Variants in NIBAN2 observed in about 807,000 individuals in gnomAD.
NIBAN2 encodes protein Niban 2.
NIBAN2 carries 36 observed loss-of-function variants against 81.8 expected under a neutral mutation model. That is an observed-to-expected ratio of 0.44 (90% CI 0.34 to 0.58). NIBAN2 has a LOEUF of 0.58. Among genes scored for constraint, NIBAN2 ranks in the 20% least tolerant of loss-of-function variants. The probability of loss-of-function intolerance (pLI) is 0.02; values close to 1 mark genes in which losing one functional copy is unlikely to be tolerated. For synonymous variants in NIBAN2, 445 were observed against 441.6 expected (o/e 1.01, Z -0.10); for missense variants, 897 against 1,014.1 (o/e 0.88, Z 1.57).
chr9:127,569,294 C>T (rs1320712816), upstream of NIBAN2, among the ~76,000 whole-genome samples: 1 of 150,006 alleles, frequency 6.7e-6, no homozygotes, highest in Non-Finnish European at 1.5e-5. Context: ...CTGCCTCCGG[C>T]GGGCGGGGCA....
At chr9:127,515,097 G>A (rs1836800428) in intron 8 of NIBAN2, among the ~76,000 whole-genome samples, 1 of 152,062 alleles carries the variant, frequency 6.6e-6, no homozygotes, top group Non-Finnish European at 1.5e-5. Context: ...GTGGTGGCCT[G>A]CACCTGTAGT....
intron 2 of NIBAN2, 92 bp from the exon 3 acceptor site, chr9:127,527,414 C>A: frequency 8.0e-7 from 1 of 1,253,498 alleles, no homozygotes; most frequent in South Asian, 1.2e-5. Context: ...AGCCTGTGTG[C>A]GCACCCCCTG....
chr9:127,531,508 T>A (rs936568448), intron 2 of NIBAN2, 140 bp downstream of exon 2: 29 of 677,442 alleles, frequency 4.3e-5, no homozygotes, highest in Non-Finnish European at 5.2e-5. Flanking sequence ...TAATTAATTT[T>A]AAAAAAAGAA....
chr9:127,509,036 C>A lies in NIBAN2; in HGVS notation c.1257G>T (p.Gln419His). The change falls in exon 10 of 14, where the codon CAG (glutamine) becomes CAT (histidine). Residue 419 changes from glutamine to histidine, a missense_variant. Transcript: ENST00000373312. ...CGGACGTGCTGGACACATCAAATCG[C>A]TGCTGCAGCCCGTCCAGTCGCAGCG... Reference protein sequence around the residue: ...MESLRLDGLQQRFDVSSTSVF... With the variant: ...MESLRLDGLQHRFDVSSTSVF... 1 of 1,614,004 alleles carries A rather than the reference C, an allele frequency of 6.2e-7. No homozygotes were observed. The highest frequency in any genetic ancestry group is 1.1e-5 in the South Asian group (1 of 91,076).
At chr9:127,548,456 C>T (rs530979002) in intron 1 of NIBAN2, among the ~76,000 whole-genome samples, 4 of 152,174 alleles carry the variant, frequency 2.6e-5, no homozygotes, top group African/African-American at 4.8e-5. Context: ...CGCCAACTCA[C>T]GTGTGGCCCT....
intron 8 of NIBAN2, among the ~76,000 whole-genome samples, chr9:127,511,678 A>T (rs1836738732): frequency 6.6e-6 from 1 of 152,210 alleles, no homozygotes; most frequent in Non-Finnish European, 1.5e-5. Context: ...CTGACAAGAG[A>T]TTAATAATCA....
chr9:127,562,202 T>G (rs1837786329), intron 1 of NIBAN2, among the ~76,000 whole-genome samples: 1 of 151,932 alleles, frequency 6.6e-6, no homozygotes, highest in African/African-American at 2.4e-5. Flanking sequence ...TCCCACTTCC[T>G]CTCCCCGCCT....
intron 1 of NIBAN2, among the ~76,000 whole-genome samples, chr9:127,539,500 C>G (rs1305209011): frequency 1.3e-5 from 2 of 152,326 alleles, no homozygotes; most frequent in South Asian, 2.1e-4. Context: ...GGGTTTCCAG[C>G]TCCACTGGCC....
chr9:127,526,998 A>T (rs1340348952), intron 3 of NIBAN2, among the ~76,000 whole-genome samples, 196 bp downstream of exon 3: 1 of 152,060 alleles, frequency 6.6e-6, no homozygotes, highest in Non-Finnish European at 1.5e-5. Context: ...AGAGATGAAG[A>T]ATGAGCTGCC....
At chr9:127,543,421 TG>T (rs1255498219) in intron 1 of NIBAN2, among the ~76,000 whole-genome samples, 1 of 152,148 alleles carries the variant, frequency 6.6e-6, no homozygotes, top group African/African-American at 2.4e-5. Flanking sequence ...AAATCCAAGC[TG>T]GGGTGTGAGC....
chr9:127,507,718 C>T lies in NIBAN2; in HGVS notation c.1654+149G>A. Reference sequence around the variant, plus strand: ...GCAAGGCTAAGGCTGCTCCGGAGGCCACACAGCGAAGAGTGGGCTTCACCC... The same window carrying T: ...GCAAGGCTAAGGCTGCTCCGGAGGCTACACAGCGAAGAGTGGGCTTCACCC... On this transcript the variant is annotated intron_variant, in intron 13 of 13. Transcript: ENST00000373312. The surrounding 1 kb of genome is among the most constrained non-coding windows in gnomAD (Gnocchi z 6.8). 1.3e-6 allele frequency: 1 copy of T among 754,994 alleles called. No individual in the cohort carries two copies. The highest frequency in any genetic ancestry group is 2.3e-6 in the Non-Finnish European group (1 of 443,996). The allele number at this position is 754,994 out of a possible 1,614,324, so 46.8% of individuals were successfully genotyped here. A position where few individuals can be genotyped will look rare whatever the true frequency, so the allele number is the denominator to read the frequency against.
At chr9:127,540,806 G>C (rs1186465888) in intron 1 of NIBAN2, among the ~76,000 whole-genome samples, 2 of 152,226 alleles carry the variant, frequency 1.3e-5, no homozygotes, top group African/African-American at 4.8e-5. Flanking sequence ...CCCAGTGGAG[G>C]GCGCTGTGCC....
intron 1 of NIBAN2, 91 bp from the exon 2 acceptor site, chr9:127,531,869 C>T: frequency 6.5e-7 from 1 of 1,530,246 alleles, no homozygotes; most frequent in Non-Finnish European, 8.9e-7. Context: ...TGCAAAGCCC[C>T]AAATTCCTGC....
At chr9:127,568,754 G>T in intron 1 of NIBAN2, 66 bp downstream of exon 1, 2 of 1,215,418 alleles carry the variant, frequency 1.6e-6, no homozygotes, top group Non-Finnish European at 2.0e-6. Context: ...CTGCTGGCCG[G>T]GGCGGGGGCG....
intron 4 of NIBAN2, 68 bp downstream of exon 4, chr9:127,524,990 C>T: frequency 7.9e-7 from 1 of 1,264,324 alleles, no homozygotes; most frequent in South Asian, 1.2e-5. Context: ...GGCTCAGGGC[C>T]ACCCCTCCCC....
chr9:127,530,451 A>C (rs1837157225), intron 2 of NIBAN2, among the ~76,000 whole-genome samples: 1 of 151,930 alleles, frequency 6.6e-6, no homozygotes, highest in South Asian at 2.1e-4. Context: ...TGGGAGGCCA[A>C]GGTGGGAGGA....
chr9:127,548,640 A>G (rs1185911355), intron 1 of NIBAN2, among the ~76,000 whole-genome samples: 5 of 152,178 alleles, frequency 3.3e-5, no homozygotes, highest in Non-Finnish European at 7.3e-5. Context: ...TGCATTGACT[A>G]AGACATCCAG....
At position 127,559,786 on chromosome 9, in the gene NIBAN2, C is replaced by G. The variant is rs900357319; in HGVS notation, c.55+9034G>C. ...GCACGTGGACCCTCTACCCAGCACC[C>G]TGACCCACACCCGGCACTTCTGATC... is the stretch of plus-strand genomic sequence containing the variant. On this transcript the variant is annotated intron_variant, in intron 1 of 13. Coordinates refer to ENST00000373312, the MANE Select transcript of NIBAN2 (RefSeq NM_022833.4). The surrounding 1 kb of genome is among the most constrained non-coding windows in gnomAD (Gnocchi z 4.0). Among the ~76,000 whole-genome samples, 6 of 152,196 alleles carry G rather than the reference C, an allele frequency of 3.9e-5. No individual in the cohort carries two copies. Among genetic ancestry groups the G allele is most frequent in the African/African-American group, 1.4e-4 (6 of 41,442 alleles).
upstream of NIBAN2, among the ~76,000 whole-genome samples, chr9:127,569,342 G>A (rs535661389): frequency 6.6e-6 from 1 of 151,724 alleles, no homozygotes; most frequent in Non-Finnish European, 1.5e-5. Context: ...TGGAGAAGGA[G>A]ACAAAGAGAA....
Sources: allele counts gnomAD v4.1 joint callset (sites outside exome capture counted in the v4.1 genomes callset), GRCh38; gene constraint gnomAD v4.1.1; non-coding constraint Gnocchi (gnomAD v3.1); transcripts MANE v1.5; gene names NCBI Gene and HGNC (gene_info 2026-07-23, HGNC 2026-07-21).